The following ANKH variants were observed in gnomAD, a reference collection of about 807,000 sequenced individuals.
The protein encoded by ANKH is ANKH inorganic pyrophosphate transport regulator, also known as mineralization regulator ANKH.
Under a neutral mutation model 49.0 loss-of-function variants are expected in ANKH, and 15 were observed. That is an observed-to-expected ratio of 0.31 (90% CI 0.20 to 0.47). ANKH has a LOEUF of 0.47. ANKH is among the 20% of genes least tolerant of loss of function. The pLI is 1.00. For missense variants in ANKH, 429 were observed against 652.0 expected, an observed-to-expected ratio of 0.66 and a Z score of 3.72; for synonymous variants, 273 against 260.0, an observed-to-expected ratio of 1.05 and a Z score of -0.48.
intron 8 of ANKH, among the ~76,000 whole-genome samples, chr5:14,733,080 A>C (rs1417988901): frequency 1.3e-5 from 2 of 152,170 alleles, no homozygotes; most frequent in Non-Finnish European, 2.9e-5. Flanking sequence ...TTTTGGTAAC[A>C]ATCAGTTCAT....
chr5:14,717,698 GCAGAGTTACTA>G (rs1332977652), intron 8 of ANKH, among the ~76,000 whole-genome samples: 2 of 152,210 alleles, frequency 1.3e-5, no homozygotes, highest in Admixed American at 6.5e-5. Context: ...ATGGCCCAGG[GCAGAGTTACTA>G]CAGGTTGAGT....
rs1423641333 is a variant in ANKH at position 14,737,885 on chromosome 5, G to A, written c.1011+3942C>T. ...AGCCAATCTTTTGGATCAACTAAAG[G>A]TACCCCCTTTCTCATCCTCATGCCC... On this transcript the variant is annotated intron_variant, in intron 8 of 11. Transcript: ENST00000284268. The surrounding 1 kb of genome is among the most constrained non-coding windows in gnomAD (Gnocchi z 5.0). Among the ~76,000 whole-genome samples, 1 of 152,100 alleles carries A rather than the reference G, an allele frequency of 6.6e-6. No individual in the cohort carries two copies. The highest frequency in any genetic ancestry group is 1.5e-5 in the Non-Finnish European group (1 of 68,022).
In ANKH at chr5:14,710,760, A is replaced by AAGC. The variant is rs761355925; in HGVS notation, c.*434_*436dup. 5.1e-6 allele frequency: 1 copy of AAGC among 196,742 alleles called. No individual in the cohort carries two copies. Among genetic ancestry groups the AAGC allele is most frequent in the African/African-American group, 2.3e-5 (1 of 42,604 alleles). The allele number at this position is 196,742 out of a possible 1,614,324, so 12.2% of individuals were successfully genotyped here. On this transcript the variant is annotated 3_prime_UTR_variant, in exon 12 of 12. Transcript: ENST00000284268. ...ATGTGACTGGGAAGCAAATCAAAGG[A>AAGC]AGCCGAGTTTTAACCTGTTGATTCT...
At chr5:14,816,269 A>G (rs769709206) in intron 1 of ANKH, among the ~76,000 whole-genome samples, 3 of 152,244 alleles carry the variant, frequency 2.0e-5, no homozygotes, top group Non-Finnish European at 2.9e-5. Context: ...TGACCTCTGC[A>G]GGACTCAGTA....
At chr5:14,842,941 CT>C (rs1310001050) in intron 1 of ANKH, among the ~76,000 whole-genome samples, 1 of 152,166 alleles carries the variant, frequency 6.6e-6, no homozygotes, top group Non-Finnish European at 1.5e-5. Context: ...CTATCCACCC[CT>C]CTCCTCCATT....
chr5:14,855,615 T>G (rs1231115240), intron 1 of ANKH, among the ~76,000 whole-genome samples: 2 of 152,128 alleles, frequency 1.3e-5, no homozygotes, highest in Non-Finnish European at 2.9e-5. Context: ...TGAGAAAGAC[T>G]TGGTCCCACT....
chr5:14,769,905 T>C (rs1739381926), intron 1 of ANKH, among the ~76,000 whole-genome samples: 1 of 152,202 alleles, frequency 6.6e-6, no homozygotes, highest in African/African-American at 2.4e-5. Flanking sequence ...TAAAATACCC[T>C]GACTACTTTA....
At chr5:14,813,795 C>T (rs528599247) in intron 1 of ANKH, among the ~76,000 whole-genome samples, 5 of 152,298 alleles carry the variant, frequency 3.3e-5, no homozygotes, top group African/African-American at 1.2e-4. Flanking sequence ...CAAGACCAAG[C>T]CACCTCCATC....
In ANKH at chr5:14,708,031, C is replaced by T. The variant is rs1368737452; in HGVS notation, c.*3166G>A. On this transcript the variant is annotated 3_prime_UTR_variant, in exon 12 of 12. Transcript: ENST00000284268. ...GTCAATACTCCCTGAGCCATGTGGCCGGCAGGTCCAATCCTACCGTGACTT... is the reference window on the plus strand; with the variant it reads ...GTCAATACTCCCTGAGCCATGTGGCTGGCAGGTCCAATCCTACCGTGACTT... The T allele has an allele frequency of 5.3e-5, 8 of 152,130 alleles. No homozygotes were observed. The highest frequency in any genetic ancestry group is 8.8e-5 in the Non-Finnish European group (6 of 68,026). 9.4% of individuals were successfully genotyped at this position (152,130 alleles called of 1,614,324 possible).
chr5:14,864,527 G>A (rs1285734912), intron 1 of ANKH, among the ~76,000 whole-genome samples: 1 of 152,166 alleles, frequency 6.6e-6, no homozygotes, highest in Non-Finnish European at 1.5e-5. Context: ...GACTAAGGAG[G>A]TCACAGTGTC....
intron 1 of ANKH, among the ~76,000 whole-genome samples, chr5:14,815,599 C>T (rs932478158): frequency 1.8e-4 from 28 of 152,342 alleles, no homozygotes; most frequent in African/African-American, 6.5e-4. Flanking sequence ...TTATTTGCTT[C>T]TTGTGCCTAA....
intron 1 of ANKH, among the ~76,000 whole-genome samples, chr5:14,814,092 G>A (rs936827336): frequency 3.3e-5 from 5 of 152,128 alleles, no homozygotes; most frequent in Non-Finnish European, 5.9e-5. Flanking sequence ...TCGAGACAGC[G>A]TTCCATCTCA....
chr5:14,834,614 C>G (rs890212065), intron 1 of ANKH, among the ~76,000 whole-genome samples: 1 of 152,066 alleles, frequency 6.6e-6, no homozygotes, highest in Admixed American at 6.6e-5. Context: ...AACTCTGTCT[C>G]TAAAAAATAC....
At chr5:14,855,513 G>T (rs1742229094) in intron 1 of ANKH, among the ~76,000 whole-genome samples, 1 of 152,116 alleles carries the variant, frequency 6.6e-6, no homozygotes. Flanking sequence ...AAGCACTTGG[G>T]GAAGTGAGTT....
At position 14,846,901 on chromosome 5, in the gene ANKH, G is replaced by A. The variant is rs185685416; in HGVS notation, c.96+24451C>T. The stretch of plus-strand genomic sequence containing the variant: ...TATGCACCTGTAGTCCCAGCTACTC[G>A]GGAGGCTGAGGCAGGAGAATTGCTT... On this transcript the variant is annotated intron_variant, in intron 1 of 11. Transcript: ENST00000284268. Among the ~76,000 whole-genome samples the A allele has an allele frequency of 7.2e-4, 109 of 152,014 alleles. No individual in the cohort carries two copies. The Middle Eastern group carries it at 0.017, about 24-fold the overall frequency.
At chr5:14,768,738 G>A (rs970936400) in intron 2 of ANKH, 25 of 588,230 alleles carry the variant, frequency 4.3e-5, no homozygotes, top group Non-Finnish European at 6.3e-5. Context: ...GCCTACTAAT[G>A]AAATCACTGC....
At chr5:14,848,538 A>G (rs959936832) in intron 1 of ANKH, among the ~76,000 whole-genome samples, 37 of 152,066 alleles carry the variant, frequency 2.4e-4, no homozygotes, top group Non-Finnish European at 5.0e-4. Flanking sequence ...GGCACTGATC[A>G]CCGCCATCGC....
At chr5:14,794,613 T>G (rs1019910685) in intron 1 of ANKH, among the ~76,000 whole-genome samples, 1 of 152,262 alleles carries the variant, frequency 6.6e-6, no homozygotes, top group Admixed American at 6.5e-5. Flanking sequence ...TGTGCTGTGG[T>G]GAAAAGCTGA....
At chr5:14,773,456 C>A (rs1276609514) in intron 1 of ANKH, among the ~76,000 whole-genome samples, 4 of 144,630 alleles carry the variant, frequency 2.8e-5, no homozygotes, top group Non-Finnish European at 6.0e-5. Context: ...GGACTTGAGT[C>A]CTCAAGCCAG....
Sources: gnomAD v4.1 joint callset for allele counts (sites outside exome capture counted in the v4.1 genomes callset) on GRCh38, gnomAD v4.1.1 for gene constraint, Gnocchi (gnomAD v3.1) non-coding constraint, MANE v1.5 for transcripts, NCBI Gene and HGNC (gene_info 2026-07-23, HGNC 2026-07-21) for gene names.